Variants in SLC24A2 observed in about 807,000 individuals in gnomAD.
SLC24A2 encodes the protein solute carrier family 24 member 2, also known as sodium/potassium/calcium exchanger 2.
In SLC24A2, 36 loss-of-function variants were observed where a neutral mutation model predicts 62.0. That is an observed-to-expected ratio of 0.58 (90% CI 0.44 to 0.77). SLC24A2 has a LOEUF of 0.77. Among genes scored for constraint, SLC24A2 ranks in the 30% least tolerant of loss-of-function variants. The pLI, the probability that SLC24A2 is intolerant of heterozygous loss-of-function variation, is 0.00. For synonymous variants in SLC24A2, 358 were observed against 294.0 expected, an observed-to-expected ratio of 1.22 and a Z score of -2.23; for missense variants, 846 against 817.9, an observed-to-expected ratio of 1.03 and a Z score of -0.42.
In SLC24A2 at chr9:19,620,220, G is replaced by A. The variant is rs117555378; in HGVS notation, c.970-528C>T. On this transcript the variant is annotated intron_variant, in intron 3 of 10. Transcript: ENST00000341998. ...TAAATAGGCATCTATGCCCATATCT[G>A]CATAGATACACATACTAAAATATGA... 3.0e-3 allele frequency among the ~76,000 whole-genome samples: 462 copies of A among 152,244 alleles called. 1 individual carries two copies. The highest frequency in any genetic ancestry group is 5.5e-3 in the Non-Finnish European group (371 of 68,018).
At chr9:20,006,165 T>C in the SLC24A2 span, among the ~76,000 whole-genome samples, 65,352 of 151,138 alleles carry the variant, frequency 0.43, 14,735 homozygotes, top group African/African-American at 0.48. Flanking sequence ...CTACTTTTCA[T>C]ATTTATATAT....
chr9:20,104,011 G>C, the SLC24A2 span, among the ~76,000 whole-genome samples: 1 of 152,226 alleles, frequency 6.6e-6, no homozygotes, highest in Non-Finnish European at 1.5e-5. Context: ...TAAAGGAGCT[G>C]ATGGAGCTGA....
Position 19,668,814 on chromosome 9 carries a change from T to C in SLC24A2, c.931-46515A>G, listed in dbSNP as rs116620999. 8.1e-3 allele frequency among the ~76,000 whole-genome samples: 1,237 copies of C among 152,354 alleles called. 23 individuals carry two copies. Among genetic ancestry groups the C allele is most frequent in the African/African-American group, 0.028 (1,174 of 41,574 alleles). On this transcript the variant is annotated intron_variant, in intron 2 of 10. Coordinates refer to ENST00000341998, the MANE Select transcript of SLC24A2 (RefSeq NM_020344.4). ...GTTATTCCTGCAAGAATTTCTTCTT[T>C]GTTAAACTGAAGTGCCTTTGGTGCA... is the stretch of plus-strand genomic sequence containing the variant.
chr9:20,013,998 C>T, the SLC24A2 span, among the ~76,000 whole-genome samples: 1 of 152,100 alleles, frequency 6.6e-6, no homozygotes, highest in Non-Finnish European at 1.5e-5. Context: ...CACTTGAGCT[C>T]AGGAGTTGAG....
chr9:19,868,503 A>C, the SLC24A2 span, among the ~76,000 whole-genome samples: 4 of 152,196 alleles, frequency 2.6e-5, no homozygotes, highest in Admixed American at 6.5e-5. Context: ...GGTCAATTTG[A>C]TTAATGATGT....
intron 8 of SLC24A2, among the ~76,000 whole-genome samples, chr9:19,528,342 G>C (rs1293295588): frequency 6.6e-6 from 1 of 152,172 alleles, no homozygotes; most frequent in Non-Finnish European, 1.5e-5. Flanking sequence ...GATAGGAACT[G>C]AGTGATCACA....
chr9:19,814,922 G>A, the SLC24A2 span, among the ~76,000 whole-genome samples: 1 of 152,138 alleles, frequency 6.6e-6, no homozygotes, highest in Non-Finnish European at 1.5e-5. Flanking sequence ...TCTGAAAACA[G>A]TTTTCTCCTT....
At chr9:19,586,808 T>C (rs1445354451) in intron 5 of SLC24A2, among the ~76,000 whole-genome samples, 1 of 152,118 alleles carries the variant, frequency 6.6e-6, no homozygotes, top group Non-Finnish European at 1.5e-5. Flanking sequence ...CTTTTGAACA[T>C]TTCAATCTCA....
At chr9:19,975,363 A>C in the SLC24A2 span, among the ~76,000 whole-genome samples, 1 of 152,206 alleles carries the variant, frequency 6.6e-6, no homozygotes, top group Non-Finnish European at 1.5e-5. Flanking sequence ...AGTGTGCCTG[A>C]ACTCTGCTAC....
intron 2 of SLC24A2, among the ~76,000 whole-genome samples, chr9:19,716,863 G>T (rs1330744752): frequency 6.6e-6 from 1 of 152,118 alleles, no homozygotes; most frequent in Non-Finnish European, 1.5e-5. Context: ...GTCCATCAAT[G>T]GCACTACTAT....
the SLC24A2 span, among the ~76,000 whole-genome samples, chr9:20,026,907 T>C: frequency 6.6e-6 from 1 of 152,086 alleles, no homozygotes; most frequent in Non-Finnish European, 1.5e-5. Flanking sequence ...AGAGAAAATA[T>C]TTGCAAACTA....
the SLC24A2 span, among the ~76,000 whole-genome samples, chr9:20,067,219 A>C: frequency 6.6e-6 from 1 of 152,192 alleles, no homozygotes; most frequent in Non-Finnish European, 1.5e-5. Flanking sequence ...ACTTCCAAAA[A>C]AGGGTTTCAG....
the SLC24A2 span, among the ~76,000 whole-genome samples, chr9:20,149,287 T>C: frequency 6.6e-6 from 1 of 152,098 alleles, no homozygotes; most frequent in Non-Finnish European, 1.5e-5. Context: ...CTTCCATCTA[T>C]GGCTCAGGCA....
the SLC24A2 span, among the ~76,000 whole-genome samples, chr9:19,862,414 A>G: frequency 9.9e-4 from 151 of 152,246 alleles, 1 homozygote; most frequent in African/African-American, 3.2e-3. Flanking sequence ...TTTCATCAAC[A>G]CTAGACCTGT....
chr9:20,182,375 G>C, the SLC24A2 span, among the ~76,000 whole-genome samples: 1 of 152,120 alleles, frequency 6.6e-6, no homozygotes. Flanking sequence ...GCAAAGACTT[G>C]GAACCAACCT....
intron 2 of SLC24A2, among the ~76,000 whole-genome samples, chr9:19,687,418 C>T (rs1819915478): frequency 6.6e-6 from 1 of 152,024 alleles, no homozygotes; most frequent in African/African-American, 2.4e-5. Flanking sequence ...TGTAGGAATT[C>T]GTGTGATAGA....
chr9:19,909,186 C>T, the SLC24A2 span, among the ~76,000 whole-genome samples: 3 of 152,060 alleles, frequency 2.0e-5, no homozygotes, highest in African/African-American at 7.2e-5. Flanking sequence ...TTTGTAGGGG[C>T]ACAGATGAAG....
the SLC24A2 span, among the ~76,000 whole-genome samples, chr9:20,081,975 C>G: frequency 6.6e-6 from 1 of 152,166 alleles, no homozygotes; most frequent in African/African-American, 2.4e-5. Context: ...TTAATTCCAG[C>G]CATCCCTCAT....
At chr9:20,176,987 A>G in the SLC24A2 span, among the ~76,000 whole-genome samples, 6 of 152,230 alleles carry the variant, frequency 3.9e-5, no homozygotes, top group East Asian at 1.2e-3. Flanking sequence ...AGCAATATTT[A>G]TTAACACAGT....
Sources: allele counts gnomAD v4.1 joint callset (sites outside exome capture counted in the v4.1 genomes callset), GRCh38; gene constraint gnomAD v4.1.1; transcripts MANE v1.5; gene names NCBI Gene and HGNC (gene_info 2026-07-23, HGNC 2026-07-21).